Variants in DPP6 observed in about 807,000 individuals in gnomAD.
DPP6 encodes A-type potassium channel modulatory protein DPP6.
In DPP6, 69 loss-of-function variants were observed where a neutral mutation model predicts 122.6. The observed-to-expected ratio is 0.56, with a 90% CI of 0.46 to 0.69. DPP6 has a LOEUF of 0.69. Ranked by LOEUF, DPP6 falls within the 30% of genes least tolerant of loss-of-function variation. The pLI, the probability that DPP6 is intolerant of heterozygous loss-of-function variation, is 0.00. For synonymous variants in DPP6, 418 were observed against 433.1 expected (o/e 0.97, Z 0.43); for missense variants, 928 against 1,116.9 (o/e 0.83, Z 2.41).
In DPP6 at chr7:154,114,753, T is replaced by A. The variant is rs4400300; in HGVS notation, c.243+61690T>A. On this transcript the variant is annotated intron_variant, in intron 1 of 25. Transcript: ENST00000377770. Reference sequence around the variant, plus strand: ...CAGTCAACCGATCATAGAGTTCCACTTTTGGAAGTGTTCCAACCTGCACCC... The same window carrying A: ...CAGTCAACCGATCATAGAGTTCCACATTTGGAAGTGTTCCAACCTGCACCC... 4.5e-3 allele frequency among the ~76,000 whole-genome samples: 685 copies of A among 152,074 alleles called. 15 individuals carry two copies. Among genetic ancestry groups the A allele is most frequent in the East Asian group, 0.028 (144 of 5,152 alleles).
At chr7:154,243,287 C>T (rs62484156) in intron 1 of DPP6, among the ~76,000 whole-genome samples, 20,909 of 151,980 alleles carry the variant, frequency 0.14, 1,790 homozygotes, top group Non-Finnish European at 0.19. Flanking sequence ...AGGAAAACAA[C>T]AGTCAATAGA....
At position 154,833,704 on chromosome 7, in the gene DPP6, G is replaced by A. The variant is rs1026611101; in HGVS notation, c.1667-20076G>A. On this transcript the variant is annotated intron_variant, in intron 16 of 25. Coordinates refer to ENST00000377770, the MANE Select transcript of DPP6 (RefSeq NM_130797.4). This position sits in a 1 kb window ranked among gnomAD's most constrained non-coding sequence, Gnocchi z 4.3. ...AATTCACCTCTTGTTTCCGATGCCT[G>A]GCAACATAAATTCACATAGCCACCA... 1.3e-5 allele frequency among the ~76,000 whole-genome samples: 2 copies of A among 152,090 alleles called. No homozygotes were observed. Among genetic ancestry groups the A allele is most frequent in the African/African-American group, 4.8e-5 (2 of 41,398 alleles).
At chr7:154,269,292 C>A (rs1482513512) in intron 1 of DPP6, among the ~76,000 whole-genome samples, 1 of 152,124 alleles carries the variant, frequency 6.6e-6, no homozygotes, top group South Asian at 2.1e-4. Flanking sequence ...TAACTTTGAT[C>A]TAAGCTGTCT....
intron 2 of DPP6, among the ~76,000 whole-genome samples, chr7:154,463,739 G>C (rs1444436805): frequency 6.7e-6 from 1 of 149,444 alleles, no homozygotes; most frequent in African/African-American, 2.5e-5. Flanking sequence ...GGTATGTTTA[G>C]AAATGTCATC....
At chr7:153,922,447 C>T (rs1430034792) in intron 1 of DPP6, among the ~76,000 whole-genome samples, 5 of 152,110 alleles carry the variant, frequency 3.3e-5, no homozygotes, top group East Asian at 1.9e-4. Context: ...TGCAGTGAGC[C>T]GTGGTAGCAC....
At chr7:154,147,483 TTCCTTC>T (rs1796159795) in intron 1 of DPP6, among the ~76,000 whole-genome samples, 2 of 132,570 alleles carry the variant, frequency 1.5e-5, no homozygotes, top group African/African-American at 8.2e-5. Flanking sequence ...CCTTCCTTCC[TTCCTTC>T]CTTTCTTTTT....
At chr7:153,828,297 TTG>T in the DPP6 span, among the ~76,000 whole-genome samples, 13 of 152,222 alleles carry the variant, frequency 8.5e-5, no homozygotes, top group East Asian at 2.5e-3. Flanking sequence ...GAGAGAGGGC[TTG>T]TGGTGGGGAC....
At chr7:154,188,364 G>T (rs926805409) in intron 1 of DPP6, among the ~76,000 whole-genome samples, 1 of 151,974 alleles carries the variant, frequency 6.6e-6, no homozygotes, top group African/African-American at 2.4e-5. Context: ...CAGATTTTAG[G>T]TATACAAAGA....
At chr7:154,810,606 C>A (rs1424619581) in intron 16 of DPP6, among the ~76,000 whole-genome samples, 1 of 152,166 alleles carries the variant, frequency 6.6e-6, no homozygotes. Flanking sequence ...TAGTTGATAC[C>A]TGGGAGGAAA....
intron 16 of DPP6, among the ~76,000 whole-genome samples, chr7:154,826,426 T>C (rs180724745): frequency 6.6e-6 from 1 of 152,346 alleles, no homozygotes; most frequent in East Asian, 1.9e-4. Flanking sequence ...TTCCTTGTTA[T>C]CTTCCCAACT....
chr7:154,188,706 A>G (rs541727979), intron 1 of DPP6, among the ~76,000 whole-genome samples: 1 of 152,204 alleles, frequency 6.6e-6, no homozygotes, highest in African/African-American at 2.4e-5. Flanking sequence ...ACACAACCCC[A>G]CACCTGTACA....
At chr7:154,832,787 T>G (rs1026102415) in intron 16 of DPP6, among the ~76,000 whole-genome samples, 2 of 152,140 alleles carry the variant, frequency 1.3e-5, no homozygotes, top group East Asian at 3.9e-4. Flanking sequence ...TACTGCACAT[T>G]TGTGCTTCTC....
At chr7:154,675,215 G>T (rs74736056) in intron 7 of DPP6, among the ~76,000 whole-genome samples, 71 of 152,140 alleles carry the variant, frequency 4.7e-4, no homozygotes, top group Non-Finnish European at 8.5e-4. Flanking sequence ...CCGGGGGCGG[G>T]GGGCTAGGGG....
At chr7:154,814,804 C>A (rs1799310223) in intron 16 of DPP6, among the ~76,000 whole-genome samples, 1 of 152,194 alleles carries the variant, frequency 6.6e-6, no homozygotes, top group Non-Finnish European at 1.5e-5. Context: ...TTTTGACTTA[C>A]CAATGTATTG....
chr7:154,083,504 A>G (rs1202616279), intron 1 of DPP6, among the ~76,000 whole-genome samples: 1 of 150,740 alleles, frequency 6.6e-6, no homozygotes, highest in Non-Finnish European at 1.5e-5. Flanking sequence ...AGCCTCCATC[A>G]TGCCCTCTTC....
the DPP6 span, among the ~76,000 whole-genome samples, chr7:153,818,759 T>C: frequency 6.6e-6 from 1 of 151,862 alleles, no homozygotes; most frequent in Non-Finnish European, 1.5e-5. Context: ...TTGTGACTTT[T>C]TCTTTTTCCC....
the DPP6 span, among the ~76,000 whole-genome samples, chr7:153,867,291 G>GTTC: frequency 6.6e-6 from 1 of 152,170 alleles, no homozygotes; most frequent in Non-Finnish European, 1.5e-5. Flanking sequence ...AGCGTGGAAT[G>GTTC]TTCTTCCATT....
chr7:154,100,272 TGAAAAA>T lies in DPP6; in HGVS notation c.243+47210_243+47215del, dbSNP rs1308636180. 4.1e-5 allele frequency among the ~76,000 whole-genome samples: 4 copies of T among 98,658 alleles called. No individual in the cohort carries two copies. The East Asian group carries it at 1.4e-3, about 34-fold the overall frequency. 64.7% of individuals were successfully genotyped at this position (98,658 alleles called of 152,430 possible). A position where few individuals can be genotyped will look rare whatever the true frequency, so the allele number is the denominator to read the frequency against. On this transcript the variant is annotated intron_variant, in intron 1 of 25. Coordinates refer to ENST00000377770, the MANE Select transcript of DPP6 (RefSeq NM_130797.4). ...ACTGAAAGTCCCTTAGAACATACACTGAAAAAAAAATCCCAGTTATTCTCTGAGTCC... is the reference window on the plus strand; with the variant it reads ...ACTGAAAGTCCCTTAGAACATACACTAAAATCCCAGTTATTCTCTGAGTCC...
At chr7:154,704,661 G>A (rs746262410) in intron 7 of DPP6, among the ~76,000 whole-genome samples, 13 of 152,308 alleles carry the variant, frequency 8.5e-5, no homozygotes, top group African/African-American at 1.7e-4. Context: ...ATGACTCACC[G>A]AAGGCTTAGA....
Sources: allele counts gnomAD v4.1 joint callset (sites outside exome capture counted in the v4.1 genomes callset), GRCh38; gene constraint gnomAD v4.1.1; non-coding constraint Gnocchi (gnomAD v3.1); transcripts MANE v1.5; gene names NCBI Gene and HGNC (gene_info 2026-07-23, HGNC 2026-07-21).